The following SLC25A48 variants were observed in gnomAD, a reference collection of about 807,000 sequenced individuals.
SLC25A48 encodes CTC-321K16.1.
SLC25A48 carries 29 observed loss-of-function variants against 32.2 expected under a neutral mutation model. The ratio of observed to expected loss-of-function variants is 0.90; its 90% CI spans 0.67 to 1.23. The LOEUF (loss-of-function observed/expected upper bound fraction) is 1.23, where lower values mean the gene tolerates loss of function less well. Among genes scored for constraint, SLC25A48 ranks in the 50% most tolerant of loss-of-function variants. SLC25A48 has a pLI of 0.00. For synonymous variants in SLC25A48, 164 were observed against 172.3 expected, an observed-to-expected ratio of 0.95 and a Z score of 0.38; for missense variants, 399 against 422.7, an observed-to-expected ratio of 0.94 and a Z score of 0.49.
chr5:135,799,515 A>G (rs1445845758), intron 3 of SLC25A48, among the ~76,000 whole-genome samples: 3 of 151,558 alleles, frequency 2.0e-5, no homozygotes, highest in Non-Finnish European at 4.4e-5. Context: ...AAAGAGAATC[A>G]TATTATTCCC....
intron 3 of SLC25A48, among the ~76,000 whole-genome samples, chr5:135,646,629 A>T (rs1427252368): frequency 7.0e-6 from 1 of 142,972 alleles, no homozygotes; most frequent in East Asian, 2.2e-4. Flanking sequence ...ATTTATGTAT[A>T]TATATACGCA....
At chr5:135,663,928 G>A (rs1013998616) in intron 3 of SLC25A48, among the ~76,000 whole-genome samples, 1 of 152,202 alleles carries the variant, frequency 6.6e-6, no homozygotes, top group African/African-American at 2.4e-5. Flanking sequence ...CCACCTGCCA[G>A]GCACTGATGT....
chr5:135,614,844 G>A (rs1752150136), intron 1 of SLC25A48, among the ~76,000 whole-genome samples: 1 of 152,126 alleles, frequency 6.6e-6, no homozygotes, highest in African/African-American at 2.4e-5. Flanking sequence ...ATTGGAACAT[G>A]GGACCAGATT....
chr5:135,592,954 A>T (rs923438687), intron 1 of SLC25A48, among the ~76,000 whole-genome samples: 1 of 152,194 alleles, frequency 6.6e-6, no homozygotes, highest in South Asian at 2.1e-4. Context: ...TAAACGTTCT[A>T]TAACTTATAT....
rs137907238 is a variant in SLC25A48, at chr5:135,654,869, A to G, written c.-521+19913A>G. Among the ~76,000 whole-genome samples the G allele has an allele frequency of 5.6e-4, 86 of 152,346 alleles. 1 individual carries two copies. In the East Asian group the frequency reaches 0.016, roughly 28 times the overall value. On this transcript the variant is annotated intron_variant, in intron 3 of 10. Transcript: ENST00000646290. Reference sequence around the variant, plus strand: ...CCAGTTCTTCCACATAGACTGCGAGAACTCGGCCTGCCCCACTCCTGTGTG... The same window carrying G: ...CCAGTTCTTCCACATAGACTGCGAGGACTCGGCCTGCCCCACTCCTGTGTG...
rs573728928 is a variant in SLC25A48 at position 135,683,730 on chromosome 5, A to T, written c.-521+48774A>T. On this transcript the variant is annotated intron_variant, in intron 3 of 10. Coordinates refer to the SLC25A48 transcript ENST00000646290. ...AGGACAAATATACCTTACAGTTTCT[A>T]GTCCTTCTAATGGAATGTGGGTTAA... 3.3e-5 allele frequency among the ~76,000 whole-genome samples: 5 copies of T among 152,328 alleles called. No individual in the cohort carries two copies. The South Asian group carries it at 8.3e-4, about 25-fold the overall frequency.
At chr5:135,805,034 A>G (rs1279486679) in intron 3 of SLC25A48, among the ~76,000 whole-genome samples, 1 of 151,350 alleles carries the variant, frequency 6.6e-6, no homozygotes, top group Non-Finnish European at 1.5e-5. Context: ...AATATTATTC[A>G]TAGTATCCTA....
chr5:135,724,691 C>A (rs1433035053), intron 3 of SLC25A48, among the ~76,000 whole-genome samples: 1 of 152,232 alleles, frequency 6.6e-6, no homozygotes, highest in Non-Finnish European at 1.5e-5. Flanking sequence ...TAGGCTATAA[C>A]CTTGGTCTCT....
At chr5:135,774,635 A>G (rs928054644) in intron 3 of SLC25A48, among the ~76,000 whole-genome samples, 2 of 151,754 alleles carry the variant, frequency 1.3e-5, no homozygotes, top group African/African-American at 2.4e-5. Context: ...AGATGATGGC[A>G]TTGTGATCAA....
At chr5:135,637,492 A>G (rs1033826989) in intron 3 of SLC25A48, among the ~76,000 whole-genome samples, 3 of 152,228 alleles carry the variant, frequency 2.0e-5, no homozygotes, top group African/African-American at 7.2e-5. Flanking sequence ...ACTGGATGAA[A>G]GATTGTTGAG....
At chr5:135,813,774 G>T (rs549664482) in intron 4 of SLC25A48, among the ~76,000 whole-genome samples, 49 of 152,286 alleles carry the variant, frequency 3.2e-4, no homozygotes, top group African/African-American at 1.2e-3. Flanking sequence ...GAAGAGCAAT[G>T]TTGGGAAAAA....
At chr5:135,682,061 T>C (rs1753910408) in intron 3 of SLC25A48, among the ~76,000 whole-genome samples, 1 of 152,186 alleles carries the variant, frequency 6.6e-6, no homozygotes, top group South Asian at 2.1e-4. Flanking sequence ...AATTCTCTCC[T>C]CTCTGGTACT....
At chr5:135,837,589 T>C (rs1486553536) in intron 1 of SLC25A48, among the ~76,000 whole-genome samples, 2 of 152,202 alleles carry the variant, frequency 1.3e-5, no homozygotes, top group Non-Finnish European at 2.9e-5. Context: ...GAGGGACCCC[T>C]GTGGGAGGTA....
upstream of SLC25A48, among the ~76,000 whole-genome samples, chr5:135,830,086 T>C (rs1356142663): frequency 6.6e-6 from 1 of 152,140 alleles, no homozygotes; most frequent in African/African-American, 2.4e-5. Context: ...ATCAAGCTTC[T>C]CCGAGGTTTG....
chr5:135,851,398 T>C (rs1385451233), intron 3 of SLC25A48, among the ~76,000 whole-genome samples: 1 of 152,178 alleles, frequency 6.6e-6, no homozygotes, highest in Non-Finnish European at 1.5e-5. Flanking sequence ...GGCTGTTGAT[T>C]CTCCTTTTGG....
chr5:135,880,148 T>C, intron 7 of SLC25A48, 51 bp downstream of exon 7: 1 of 1,155,730 alleles, frequency 8.7e-7, no homozygotes, highest in South Asian at 1.7e-5. Context: ...ACTTGAAACT[T>C]TTTTTTTTTT....
intron 3 of SLC25A48, among the ~76,000 whole-genome samples, chr5:135,787,547 T>G (rs999432076): frequency 2.0e-5 from 3 of 152,016 alleles, no homozygotes; most frequent in Admixed American, 6.6e-5. Context: ...GTGATGTTAC[T>G]CCTATTTTCA....
intron 1 of SLC25A48, among the ~76,000 whole-genome samples, chr5:135,586,319 T>C (rs1751365400): frequency 6.6e-6 from 1 of 152,212 alleles, no homozygotes; most frequent in African/African-American, 2.4e-5. Flanking sequence ...ATCCCAGAGT[T>C]CTCAACCAGC....
intron 3 of SLC25A48, among the ~76,000 whole-genome samples, chr5:135,712,963 C>T (rs1561459476): frequency 1.3e-5 from 2 of 152,220 alleles, no homozygotes; most frequent in Non-Finnish European, 2.9e-5. Flanking sequence ...CAGGCACCCA[C>T]CCCATCAAAA....
Sources: allele counts gnomAD v4.1 joint callset (sites outside exome capture counted in the v4.1 genomes callset), GRCh38; gene constraint gnomAD v4.1.1; transcripts MANE v1.5; gene names NCBI Gene and HGNC (gene_info 2026-07-23, HGNC 2026-07-21).